COL19A1: variants seen among roughly 807,000 people sequenced by gnomAD.
COL19A1 encodes the protein collagen type XIX alpha 1 chain.
In COL19A1, 159 loss-of-function variants were observed where a neutral mutation model predicts 190.2. The ratio of observed to expected loss-of-function variants is 0.84; its 90% confidence interval spans 0.73 to 0.95. The LOEUF is 0.95. Among genes scored for constraint, COL19A1 ranks in the 40% least tolerant of loss-of-function variants. COL19A1 has a pLI of 0.00. For synonymous variants in COL19A1, 509 were observed against 458.9 expected, an observed-to-expected ratio of 1.11 and a Z score of -1.39; for missense variants, 1,418 against 1,431.9, an observed-to-expected ratio of 0.99 and a Z score of 0.16.
intron 4 of COL19A1, among the ~76,000 whole-genome samples, chr6:69,900,619 G>A (rs1246841669): frequency 6.6e-6 from 1 of 152,060 alleles, no homozygotes; most frequent in Non-Finnish European, 1.5e-5. Flanking sequence ...TATGTTTAAA[G>A]TAGACATAAC....
In COL19A1 at chr6:70,210,307, A is replaced by G. The variant is rs1028686731; in HGVS notation, c.*3033A>G. On this transcript the variant is annotated 3_prime_UTR_variant, in exon 51 of 51. Transcript: ENST00000620364. ...TCAATTCATATTTATGGCCTTTGGA[A>G]TCCAAAGAAAAACAGAAGAATAATT... is the stretch of plus-strand genomic sequence containing the variant. Among the ~76,000 whole-genome samples the G allele has an allele frequency of 6.6e-6, 1 of 152,192 alleles. No homozygotes were observed. Among genetic ancestry groups the G allele is most frequent in the Non-Finnish European group, 1.5e-5 (1 of 67,998 alleles).
At chr6:70,077,962 C>T (rs1421975575) in intron 15 of COL19A1, among the ~76,000 whole-genome samples, 1 of 152,204 alleles carries the variant, frequency 6.6e-6, no homozygotes, top group African/African-American at 2.4e-5. Flanking sequence ...TCACACTCTC[C>T]ATTGGCCATG....
chr6:70,009,614 T>G (rs1228551217), intron 11 of COL19A1, among the ~76,000 whole-genome samples: 2 of 152,096 alleles, frequency 1.3e-5, no homozygotes, highest in Non-Finnish European at 2.9e-5. Context: ...CATGTGTAAA[T>G]GCAAATGACC....
intron 14 of COL19A1, among the ~76,000 whole-genome samples, chr6:70,065,299 T>C (rs1280601959): frequency 6.6e-6 from 1 of 151,908 alleles, no homozygotes. Flanking sequence ...TCAGAAATAA[T>C]ACCACACATC....
chr6:70,161,354 A>G (rs1787789893), intron 34 of COL19A1, among the ~76,000 whole-genome samples: 1 of 152,196 alleles, frequency 6.6e-6, no homozygotes. Flanking sequence ...AGATTCTTAG[A>G]TACTACTGCT....
At position 70,127,502 on chromosome 6, in the gene COL19A1, TG is replaced by T. The variant is rs1488107344; in HGVS notation, c.1342-2678del. Among the ~76,000 whole-genome samples the T allele has an allele frequency of 5.9e-5, 9 of 152,256 alleles. No homozygotes were observed. The South Asian group carries it at 1.9e-3, about 32-fold the overall frequency. On this transcript the variant is annotated intron_variant, in intron 17 of 50. Coordinates refer to ENST00000620364, the MANE Select transcript of COL19A1 (RefSeq NM_001858.6). ...TTTGGGGAGACAGAGTCAACCAAACTGGATGACTGATCATATACAAGGAATA... is the reference window on the plus strand; with the variant it reads ...TTTGGGGAGACAGAGTCAACCAAACTGATGACTGATCATATACAAGGAATA...
At chr6:70,034,207 T>G (rs1362109973) in intron 12 of COL19A1, 38 bp from the exon 13 acceptor site, 3 of 1,455,770 alleles carry the variant, frequency 2.1e-6, no homozygotes, top group Middle Eastern at 3.4e-4. Context: ...AAATTAAAGC[T>G]TTCTGTGAAC....
chr6:69,952,598 T>C (rs1774188424), intron 9 of COL19A1, among the ~76,000 whole-genome samples: 1 of 151,944 alleles, frequency 6.6e-6, no homozygotes, highest in African/African-American at 2.4e-5. Context: ...GTCTTAAAAA[T>C]AGCTGGACTA....
chr6:70,099,864 A>G (rs1783515543), intron 15 of COL19A1, among the ~76,000 whole-genome samples: 1 of 152,202 alleles, frequency 6.6e-6, no homozygotes, highest in Non-Finnish European at 1.5e-5. Context: ...CAGCATGCAC[A>G]CTGACACTCT....
chr6:70,156,238 A>C lies in COL19A1; in HGVS notation c.2184+7A>C, dbSNP rs1787427465. On this transcript the variant is annotated splice_region_variant and intron_variant, in intron 32 of 50. Coordinates refer to ENST00000620364, the MANE Select transcript of COL19A1 (RefSeq NM_001858.6). ...TGATTCCATGGCCCGGAAGGTGAGA[A>C]GCCTGGCTGAATGTTTACGATCCCT... The C allele has an allele frequency of 1.9e-6, 3 of 1,613,288 alleles. No individual in the cohort carries two copies. Among genetic ancestry groups the C allele is most frequent in the Non-Finnish European group, 2.5e-6 (3 of 1,179,546 alleles).
chr6:70,140,946 C>T lies in COL19A1; in HGVS notation c.1447-8C>T. ...CGTTTAATTCTATTTTCTACCCCTT[C>T]TCCTTAGGGAGAGCCTTTTACAAAA... On this transcript the variant is annotated splice_polypyrimidine_tract_variant and splice_region_variant and intron_variant, in intron 19 of 50. Transcript: ENST00000620364. 1 of 1,610,386 alleles carries T rather than the reference C, an allele frequency of 6.2e-7. No homozygotes were observed.
At chr6:70,037,424 G>C (rs1458591993) in intron 14 of COL19A1, among the ~76,000 whole-genome samples, 1 of 152,022 alleles carries the variant, frequency 6.6e-6, no homozygotes, top group East Asian at 1.9e-4. Context: ...CCAAAGTGCT[G>C]GGATTACAGG....
rs3072698 is a variant in COL19A1, at chr6:69,989,553, C to CTTTTTTTTTTTTTTTTTTTTTTTTTTTT, written c.1026+26699_1026+26700insTTTTTTTTTTTTTTTTTTTTTTTTTTTT. 2.4e-5 allele frequency among the ~76,000 whole-genome samples: 3 copies of CTTTTTTTTTTTTTTTTTTTTTTTTTTTT among 126,354 alleles called. 1 individual carries two copies. The highest frequency in any genetic ancestry group is 9.6e-5 in the African/African-American group (3 of 31,168). The allele number at this position is 126,354 out of a possible 152,430, so 82.9% of individuals were successfully genotyped here. On this transcript the variant is annotated intron_variant, in intron 11 of 50. Coordinates refer to ENST00000620364, the MANE Select transcript of COL19A1 (RefSeq NM_001858.6). ...AAACTAACATAATGAGAGTTTTTTA[C>CTTTTTTTTTTTTTTTTTTTTTTTTTTTT]TTTTTTTTTTTTTTTTGCTCATCAG...
chr6:69,886,287 T>G (rs989907446), intron 2 of COL19A1, among the ~76,000 whole-genome samples: 6 of 152,180 alleles, frequency 3.9e-5, no homozygotes, highest in Non-Finnish European at 7.4e-5. Context: ...AGACATTACC[T>G]TGTACCTATA....
intron 4 of COL19A1, 78 bp downstream of exon 4, chr6:69,900,416 T>C: frequency 1.2e-6 from 1 of 832,578 alleles, no homozygotes; most frequent in South Asian, 2.5e-5. Flanking sequence ...ATAATTTGTT[T>C]TAAAAATAAA....
At chr6:69,921,513 T>TATATTC (rs1561998804) in intron 4 of COL19A1, among the ~76,000 whole-genome samples, 945 of 14,188 alleles carry the variant, frequency 0.067, 9 homozygotes, top group South Asian at 0.093. Flanking sequence ...TATATTCATA[T>TATATTC]GTATATTCAT....
intron 11 of COL19A1, among the ~76,000 whole-genome samples, chr6:69,978,124 G>A (rs1315274579): frequency 2.3e-5 from 2 of 86,010 alleles, no homozygotes; most frequent in Non-Finnish European, 3.5e-5. Context: ...CCTGATTCCT[G>A]AGAAGAGGAG....
chr6:70,181,340 A>G (rs1483731615), intron 44 of COL19A1, among the ~76,000 whole-genome samples: 2 of 152,142 alleles, frequency 1.3e-5, no homozygotes, highest in African/African-American at 4.8e-5. Flanking sequence ...AGAGTCAGGA[A>G]GATCTGGGTC....
At chr6:70,063,329 A>G (rs2150144376) in intron 14 of COL19A1, among the ~76,000 whole-genome samples, 1 of 148,236 alleles carries the variant, frequency 6.7e-6, no homozygotes, top group Middle Eastern at 3.5e-3. Context: ...TAAGAAACTC[A>G]CTCAAAACCG....
Sources: gnomAD v4.1 joint callset for allele counts (sites outside exome capture counted in the v4.1 genomes callset) on GRCh38, gnomAD v4.1.1 for gene constraint, MANE v1.5 for transcripts, NCBI Gene and HGNC (gene_info 2026-07-23, HGNC 2026-07-21) for gene names.